WDR31: variants seen among roughly 807,000 people sequenced by gnomAD.
WDR31 encodes WD repeat-containing protein 31.
WDR31 carries 30 observed loss-of-function variants against 47.3 expected under a neutral mutation model. The observed-to-expected ratio is 0.63, with a 90% CI of 0.47 to 0.86. The LOEUF (loss-of-function observed/expected upper bound fraction) is 0.86, where lower values mean the gene tolerates loss of function less well. Among genes scored for constraint, WDR31 ranks in the 40% least tolerant of loss-of-function variants. WDR31 has a pLI of 0.00. For synonymous variants in WDR31, 137 were observed against 159.4 expected, an observed-to-expected ratio of 0.86 and a Z score of 1.06; for missense variants, 406 against 442.9, an observed-to-expected ratio of 0.92 and a Z score of 0.75.
At chr9:113,319,370 C>T (rs538634260) in intron 9 of WDR31, among the ~76,000 whole-genome samples, 3 of 152,322 alleles carry the variant, frequency 2.0e-5, no homozygotes, top group African/African-American at 7.2e-5. Flanking sequence ...AAGGCTGCAA[C>T]ACCCCAATCT....
intron 9 of WDR31, among the ~76,000 whole-genome samples, chr9:113,318,945 T>G (rs1833269409): frequency 6.6e-6 from 1 of 152,192 alleles, no homozygotes; most frequent in South Asian, 2.1e-4. Flanking sequence ...ATGATGGTGT[T>G]CCATCATGGG....
chr9:113,336,257 T>G (rs993971751), intron 2 of WDR31, 31 bp downstream of exon 2: 2 of 152,238 alleles, frequency 1.3e-5, no homozygotes, highest in Admixed American at 6.5e-5. Context: ...TGGGACATTC[T>G]AAGGAAAAGA....
intron 9 of WDR31, among the ~76,000 whole-genome samples, chr9:113,319,106 G>T: frequency 6.6e-6 from 1 of 152,196 alleles, no homozygotes; most frequent in East Asian, 1.9e-4. Context: ...TCTAGGTGCA[G>T]ACATTCTGAT....
rs566653944 is a variant in WDR31 at position 113,321,287 on chromosome 9, C to T, written c.638+224G>A. Among the ~76,000 whole-genome samples, 10 of 152,316 alleles carry T rather than the reference C, an allele frequency of 6.6e-5. No individual in the cohort carries two copies. In the South Asian group the frequency reaches 1.9e-3, roughly 28 times the overall value. On this transcript the variant is annotated intron_variant, in intron 8 of 10. Coordinates refer to ENST00000374193, the MANE Select transcript of WDR31 (RefSeq NM_001012361.4). ...CTGAATCAGATGCTTTGGAACCATC[C>T]AAAACAGGGGCTTTTACTTGGCCTG...
intron 5 of WDR31, among the ~76,000 whole-genome samples, chr9:113,326,254 G>A (rs1317758655): frequency 6.6e-6 from 1 of 152,158 alleles, no homozygotes. Flanking sequence ...TATTATTGAG[G>A]AATGCTTTGC....
chr9:113,326,619 A>C (rs1833475664), intron 5 of WDR31, among the ~76,000 whole-genome samples: 1 of 152,064 alleles, frequency 6.6e-6, no homozygotes, highest in African/African-American at 2.4e-5. Context: ...GGTATGCACC[A>C]CTATGACCAC....
At chr9:113,328,808 C>T in intron 5 of WDR31, 73 bp downstream of exon 5, 1 of 1,302,604 alleles carries the variant, frequency 7.7e-7, no homozygotes, top group East Asian at 2.3e-5. Context: ...TTCAATCACT[C>T]TTAATATCTA....
At chr9:113,333,020 T>A (rs1833631854) in intron 2 of WDR31, among the ~76,000 whole-genome samples, 1 of 152,186 alleles carries the variant, frequency 6.6e-6, no homozygotes, top group Non-Finnish European at 1.5e-5. Flanking sequence ...GAAGCCTGCG[T>A]CACACTTTTC....
At chr9:113,317,054 C>A in intron 10 of WDR31, 145 bp from the exon 11 acceptor site, 1 of 1,042,552 alleles carries the variant, frequency 9.6e-7, no homozygotes, top group Non-Finnish European at 1.3e-6. Context: ...CAGAGGAAAG[C>A]ATACCAGGGA....
In WDR31 at chr9:113,314,135, G is replaced by T. The variant is rs1239380985; in HGVS notation, c.*2614C>A. On this transcript the variant is annotated 3_prime_UTR_variant, in exon 11 of 11. Coordinates refer to ENST00000374193, the MANE Select transcript of WDR31 (RefSeq NM_001012361.4). ...AGATTGCACCACTGCACTCCAGCCTGGGCGACAGAGCAAGATTCCATCTCA... is the reference window on the plus strand; with the variant it reads ...AGATTGCACCACTGCACTCCAGCCTTGGCGACAGAGCAAGATTCCATCTCA... 2.1e-5 allele frequency: 3 copies of T among 143,028 alleles called. No individual in the cohort carries two copies. The highest frequency in any genetic ancestry group is 7.8e-5 in the African/African-American group (3 of 38,414). The allele number at this position is 143,028 out of a possible 1,614,324, so 8.9% of individuals were successfully genotyped here. A position where few individuals can be genotyped will look rare whatever the true frequency, so the allele number is the denominator to read the frequency against.
At chr9:113,335,991 G>A (rs1379876101) in intron 2 of WDR31, among the ~76,000 whole-genome samples, 2 of 152,178 alleles carry the variant, frequency 1.3e-5, no homozygotes, top group South Asian at 2.1e-4. Flanking sequence ...TTCTATAAGA[G>A]GCCACAAGAT....
chr9:113,323,165 G>GA lies in WDR31; in HGVS notation c.325-11dup. On this transcript the variant is annotated splice_polypyrimidine_tract_variant and intron_variant, in intron 5 of 10. Coordinates refer to ENST00000374193, the MANE Select transcript of WDR31 (RefSeq NM_001012361.4). ...TGGGAATACAGGCTACCTGCTCAGGGAAAAAACAACAACACTGAAATAGCT... is the reference window on the plus strand; with the variant it reads ...TGGGAATACAGGCTACCTGCTCAGGGAAAAAAACAACAACACTGAAATAGCT... 6.2e-7 allele frequency: 1 copy of GA among 1,607,710 alleles called. No individual in the cohort carries two copies. The highest frequency in any genetic ancestry group is 8.5e-7 in the Non-Finnish European group (1 of 1,177,804).
At chr9:113,330,419 C>T (rs576774219) in intron 4 of WDR31, among the ~76,000 whole-genome samples, 1 of 152,238 alleles carries the variant, frequency 6.6e-6, no homozygotes, top group Admixed American at 6.5e-5. Flanking sequence ...GTATTATTCA[C>T]TACAAAAAGA....
Position 113,332,002 on chromosome 9 carries a change from T to C in WDR31, c.21A>G (p.Gln7=), listed in dbSNP as rs760663712. The part of the protein sequence containing the change: MLLLRC[Q]LKQAPPQKVS... ...CCTTCTGTGGAGGAGCTTGTTTCAG[T>C]TGGCACCTGAGTAGCAGCATCCCTT... Residue 7 remains glutamine, a synonymous_variant, in exon 3 of 11, where the codon CAA becomes CAG. Coordinates refer to ENST00000374193, the MANE Select transcript of WDR31 (RefSeq NM_001012361.4). The C allele has an allele frequency of 3.9e-5, 63 of 1,613,892 alleles. No homozygotes were observed. The highest frequency in any genetic ancestry group is 5.1e-5 in the Non-Finnish European group (60 of 1,179,892).
chr9:113,323,321 G>A (rs1282688294), intron 5 of WDR31, among the ~76,000 whole-genome samples, 166 bp from the exon 6 acceptor site: 3 of 152,020 alleles, frequency 2.0e-5, no homozygotes. Context: ...GAGGGCAGTG[G>A]TGTGATCTCA....
At position 113,322,912 on chromosome 9, in the gene WDR31, CT is replaced by C. The variant is rs754543368; in HGVS notation, c.470-2del. On this transcript the variant is annotated splice_acceptor_variant, in intron 6 of 10. Coordinates refer to ENST00000374193, the MANE Select transcript of WDR31 (RefSeq NM_001012361.4). LOFTEE classifies it high-confidence loss of function. ...GAGCCAGTGCACAGCTGTGATGAGT[CT>C]TTGGAAACAATGGTGAGAAGACAGC... 15 of 1,614,024 alleles carry C rather than the reference CT, an allele frequency of 9.3e-6. No homozygotes were observed. The African/African-American group carries it at 1.7e-4, about 19-fold the overall frequency.
intron 5 of WDR31, among the ~76,000 whole-genome samples, chr9:113,325,022 T>C (rs893736060): frequency 6.6e-6 from 1 of 152,238 alleles, no homozygotes; most frequent in Middle Eastern, 3.4e-3. Flanking sequence ...CTCTGCTCAC[T>C]GCAACCTCTG....
chr9:113,332,076 G>T, intron 2 of WDR31, 26 bp from the exon 3 acceptor site: 1 of 1,503,850 alleles, frequency 6.6e-7, no homozygotes, highest in Non-Finnish European at 9.2e-7. Context: ...AAGAATACAT[G>T]TTGTTAATTT....
chr9:113,321,375 C>G, intron 8 of WDR31, 136 bp downstream of exon 8: 1 of 817,128 alleles, frequency 1.2e-6, no homozygotes, highest in South Asian at 1.7e-5. Flanking sequence ...GGCCCCAGCA[C>G]CAGTGAAGGG....
Sources: gnomAD v4.1 joint callset for allele counts (sites outside exome capture counted in the v4.1 genomes callset) on GRCh38, gnomAD v4.1.1 for gene constraint, MANE v1.5 for transcripts, NCBI Gene and HGNC (gene_info 2026-07-23, HGNC 2026-07-21) for gene names.